ERBB4: variants seen among roughly 807,000 people sequenced by gnomAD.
ERBB4 encodes erb-b2 receptor tyrosine kinase 4, also known as receptor tyrosine-protein kinase erbB-4.
ERBB4 carries 42 observed loss-of-function variants against 158.0 expected under a neutral mutation model. The ratio of observed to expected loss-of-function variants is 0.27; its 90% CI spans 0.21 to 0.34. The LOEUF is 0.34. Among genes scored for constraint, ERBB4 ranks in the 10% least tolerant of loss-of-function variants. The pLI is 1.00. For synonymous variants in ERBB4, 583 were observed against 558.7 expected (o/e 1.04, Z -0.61); for missense variants, 1,333 against 1,624.1 (o/e 0.82, Z 3.08).
chr2:212,111,929 A>G (rs1312508855), intron 2 of ERBB4, among the ~76,000 whole-genome samples: 1 of 152,136 alleles, frequency 6.6e-6, no homozygotes, highest in Non-Finnish European at 1.5e-5. Flanking sequence ...ACTATTACAG[A>G]TAGCACTGTA....
chr2:212,309,605 T>A (rs1361204546), intron 1 of ERBB4, among the ~76,000 whole-genome samples: 1 of 150,754 alleles, frequency 6.6e-6, no homozygotes, highest in Non-Finnish European at 1.5e-5. Flanking sequence ...AGCAAATAAG[T>A]ACTCTTTAAA....
intron 6 of ERBB4, among the ~76,000 whole-genome samples, chr2:211,723,441 G>A (rs1041928586): frequency 2.0e-5 from 3 of 152,094 alleles, no homozygotes; most frequent in Non-Finnish European, 2.9e-5. Context: ...CTCAAGCTAT[G>A]ATTTACATTT....
At chr2:212,191,999 TTA>T (rs1242288235) in intron 1 of ERBB4, among the ~76,000 whole-genome samples, 2 of 79,604 alleles carry the variant, frequency 2.5e-5, no homozygotes, top group African/African-American at 1.0e-4. Flanking sequence ...GTTATATATG[TTA>T]TATATAATAT....
intron 3 of ERBB4, among the ~76,000 whole-genome samples, chr2:211,873,852 T>C (rs1176996603): frequency 6.6e-6 from 1 of 151,148 alleles, no homozygotes; most frequent in East Asian, 1.9e-4. Flanking sequence ...TAAAACAATG[T>C]GTTCTTAAAA....
At chr2:211,977,530 T>TAAAAAAAAAAAA (rs1394107563) in intron 2 of ERBB4, among the ~76,000 whole-genome samples, 1,588 of 6,290 alleles carry the variant, frequency 0.25, 34 homozygotes, top group Middle Eastern at 0.5. Context: ...GATATTGACT[T>TAAAAAAAAAAAA]TAAAAAAAAA....
rs959054781 is a variant in ERBB4, at chr2:211,995,437, T to C, written c.235-47821A>G. ...TTCCTCAACATTGTTTTTAAGGACC[T>C]TGCCTTTTTTAAAATACATAGAGGT... On this transcript the variant is annotated intron_variant, in intron 2 of 27. Coordinates refer to ENST00000342788, the MANE Select transcript of ERBB4 (RefSeq NM_005235.3). Among the ~76,000 whole-genome samples the C allele has an allele frequency of 2.6e-5, 4 of 152,150 alleles. No individual in the cohort carries two copies. The East Asian group carries it at 7.7e-4, about 29-fold the overall frequency.
At chr2:211,525,915 A>G (rs984154232) in intron 20 of ERBB4, among the ~76,000 whole-genome samples, 2 of 152,082 alleles carry the variant, frequency 1.3e-5, no homozygotes, top group African/African-American at 4.8e-5. Flanking sequence ...TTGAAGGCCA[A>G]CCAAACCATA....
rs1456291731 is a variant in ERBB4, at chr2:211,704,142, A to C, written c.1251T>G (p.Phe417Leu). 1 of 1,612,916 alleles carries C rather than the reference A, an allele frequency of 6.2e-7. No homozygotes were observed. The highest frequency in any genetic ancestry group is 8.5e-7 in the Non-Finnish European group (1 of 1,179,006). ...WPPNMTDFSV[F>L]SNLVTIGGRV... ...TTCCACCAATGGTCACCAGGTTAGA[A>C]AAAACACTGAAGTCAGTCATGTTTG... The change falls in exon 11 of 28, where the codon TTT (phenylalanine) becomes TTG (leucine). Residue 417 changes from phenylalanine (F) to leucine (L), a missense_variant. Transcript: ENST00000342788.
intron 2 of ERBB4, among the ~76,000 whole-genome samples, chr2:212,072,249 T>A (rs1192708366): frequency 1.3e-5 from 2 of 151,994 alleles, no homozygotes; most frequent in Non-Finnish European, 2.9e-5. Context: ...TGGAACTATT[T>A]CTAGTTTTAT....
chr2:212,358,111 C>T (rs193078686), intron 1 of ERBB4, among the ~76,000 whole-genome samples: 33 of 151,872 alleles, frequency 2.2e-4, no homozygotes, highest in African/African-American at 7.0e-4. Context: ...TTATTTATAA[C>T]CTCATTTCTA....
chr2:211,791,915 T>C (rs1053544851), intron 3 of ERBB4, among the ~76,000 whole-genome samples: 1 of 151,392 alleles, frequency 6.6e-6, no homozygotes, highest in Non-Finnish European at 1.5e-5. Flanking sequence ...GAGTAAATTG[T>C]AATCTACACT....
At chr2:211,911,996 C>A (rs2079552251) in intron 3 of ERBB4, among the ~76,000 whole-genome samples, 2 of 152,014 alleles carry the variant, frequency 1.3e-5, no homozygotes, top group Admixed American at 1.3e-4. Context: ...ACACACCAGC[C>A]ACAGATAAAC....
rs116387000 is a variant in ERBB4, at chr2:211,420,405, G to T, written c.3135+36C>A. ...AACTATTACATGATTTTATATCTCA[G>T]AAAGAATATGATATGTGTATATAAT... is the stretch of plus-strand genomic sequence containing the variant. On this transcript the variant is annotated intron_variant, in intron 25 of 27. Coordinates refer to ENST00000342788, the MANE Select transcript of ERBB4 (RefSeq NM_005235.3). The T allele has an allele frequency of 2.5e-3, 3,538 of 1,418,842 alleles. 70 individuals carry two copies. The African/African-American group carries it at 0.04, about 16-fold the overall frequency. 87.9% of individuals were successfully genotyped at this position (1,418,842 alleles called of 1,614,324 possible).
chr2:212,244,237 T>C (rs537600938), intron 1 of ERBB4, among the ~76,000 whole-genome samples: 1 of 152,014 alleles, frequency 6.6e-6, no homozygotes, highest in South Asian at 2.1e-4. Flanking sequence ...AATGAAATCA[T>C]TTTTTTTCCA....
At chr2:211,516,760 T>C (rs1170886742) in intron 20 of ERBB4, among the ~76,000 whole-genome samples, 3 of 152,158 alleles carry the variant, frequency 2.0e-5, no homozygotes, top group Admixed American at 1.3e-4. Context: ...ATTGCATCTC[T>C]AAGGGACAGA....
At chr2:211,953,487 A>AG (rs386392494) in intron 2 of ERBB4, among the ~76,000 whole-genome samples, 1 of 143,822 alleles carries the variant, frequency 7.0e-6, no homozygotes, top group Non-Finnish European at 1.5e-5. Context: ...AAAAAAAAAA[A>AG]GAAGAAGAAG....
rs145799411 is a variant in ERBB4 at position 211,679,618 on chromosome 2, G to A, written c.1490-434C>T. ...CAAAAAAAGTATTAAAAGAGGAAGA[G>A]AAAGAAAAAGAATAATTTATAGAGG... On this transcript the variant is annotated intron_variant, in intron 12 of 27. Coordinates refer to ENST00000342788, the MANE Select transcript of ERBB4 (RefSeq NM_005235.3). Among the ~76,000 whole-genome samples the A allele has an allele frequency of 1.9e-3, 284 of 152,252 alleles. 1 individual carries two copies. The highest frequency in any genetic ancestry group is 6.4e-3 in the African/African-American group (266 of 41,558).
At chr2:212,157,378 A>T (rs1388884994) in intron 1 of ERBB4, among the ~76,000 whole-genome samples, 1 of 152,030 alleles carries the variant, frequency 6.6e-6, no homozygotes, top group African/African-American at 2.4e-5. Flanking sequence ...ATTAGATCAG[A>T]CTGTATTTGC....
At chr2:211,758,054 T>C in intron 4 of ERBB4, among the ~76,000 whole-genome samples, 1 of 152,232 alleles carries the variant, frequency 6.6e-6, no homozygotes, top group East Asian at 1.9e-4. Context: ...AAATTGATGA[T>C]AATCCATTTA....
Sources: gnomAD v4.1 joint callset for allele counts (sites outside exome capture counted in the v4.1 genomes callset) on GRCh38, gnomAD v4.1.1 for gene constraint, MANE v1.5 for transcripts, NCBI Gene and HGNC (gene_info 2026-07-23, HGNC 2026-07-21) for gene names.